Variants in ITGA9 observed in about 807,000 individuals in gnomAD.
The protein encoded by ITGA9 is integrin subunit alpha 9.
In ITGA9, 56 loss-of-function variants were observed where a neutral mutation model predicts 127.8. The observed-to-expected ratio is 0.44, with a 90% CI of 0.35 to 0.55. ITGA9 has a LOEUF of 0.55. ITGA9 is among the 20% of genes least tolerant of loss of function. The pLI, the probability that ITGA9 is intolerant of heterozygous loss-of-function variation, is 0.00. For synonymous variants in ITGA9, 508 were observed against 514.5 expected (o/e 0.99, Z 0.17); for missense variants, 1,196 against 1,347.1 (o/e 0.89, Z 1.76).
chr3:37,772,902 G>GCCAT, intron 23 of ITGA9, among the ~76,000 whole-genome samples: 1 of 152,198 alleles, frequency 6.6e-6, no homozygotes, highest in African/African-American at 2.4e-5. Flanking sequence ...ATCACATCAC[G>GCCAT]CCATCGCCAT....
intron 15 of ITGA9, among the ~76,000 whole-genome samples, chr3:37,546,755 G>T (rs1453781229): frequency 6.6e-6 from 1 of 152,136 alleles, no homozygotes; most frequent in African/African-American, 2.4e-5. Flanking sequence ...GCCTCTGTCT[G>T]GACTGACTGC....
chr3:37,459,655 G>A (rs1698295963), intron 1 of ITGA9, among the ~76,000 whole-genome samples: 1 of 152,202 alleles, frequency 6.6e-6, no homozygotes, highest in Non-Finnish European at 1.5e-5. Context: ...GGAAGCTGAG[G>A]TACAGAGGCA....
intron 13 of ITGA9, among the ~76,000 whole-genome samples, chr3:37,526,516 C>T (rs1699094834): frequency 1.3e-5 from 2 of 152,232 alleles, no homozygotes; most frequent in African/African-American, 4.8e-5. Flanking sequence ...GTCCACAACA[C>T]CCTGGGGACC....
Position 37,518,324 on chromosome 3 carries a change from C to G in ITGA9, c.1141+715C>G, listed in dbSNP as rs577192099. 1.6e-4 allele frequency among the ~76,000 whole-genome samples: 24 copies of G among 152,310 alleles called. No homozygotes were observed. In the South Asian group the frequency reaches 5.0e-3, roughly 32 times the overall value. On this transcript the variant is annotated intron_variant, in intron 10 of 27. Transcript: ENST00000264741. ...GTGGGGCAACCCTTGCCCAGGCCAGCCATCCAGACGTCTTTGATACCTCCT... is the reference window on the plus strand; with the variant it reads ...GTGGGGCAACCCTTGCCCAGGCCAGGCATCCAGACGTCTTTGATACCTCCT...
At chr3:37,484,810 CT>C (rs1698592685) in intron 4 of ITGA9, among the ~76,000 whole-genome samples, 3 of 152,176 alleles carry the variant, frequency 2.0e-5, no homozygotes, top group African/African-American at 7.2e-5. Flanking sequence ...CCTAACCAAC[CT>C]CAAGGGTCTA....
At chr3:37,457,857 G>A (rs1376066948) in intron 1 of ITGA9, among the ~76,000 whole-genome samples, 1 of 152,202 alleles carries the variant, frequency 6.6e-6, no homozygotes, top group Non-Finnish European at 1.5e-5. Flanking sequence ...ACCTTCCAGG[G>A]CAAGAAGACA....
intron 27 of ITGA9, chr3:37,807,291 G>T (rs1050506263): frequency 1.3e-5 from 2 of 152,194 alleles, no homozygotes; most frequent in African/African-American, 4.8e-5. Context: ...TTAGCACTGC[G>T]CTTAGCACAC....
At chr3:37,561,265 C>T (rs186207829) in intron 15 of ITGA9, among the ~76,000 whole-genome samples, 14 of 152,250 alleles carry the variant, frequency 9.2e-5, no homozygotes, top group African/African-American at 1.4e-4. Flanking sequence ...GCCTTCTTTC[C>T]TGTACTAGGG....
intron 15 of ITGA9, among the ~76,000 whole-genome samples, chr3:37,617,901 G>T (rs551592219): frequency 1.6e-4 from 25 of 152,196 alleles, no homozygotes; most frequent in African/African-American, 3.1e-4. Context: ...TTTGCCATGG[G>T]TTCAAACTTC....
intron 4 of ITGA9, among the ~76,000 whole-genome samples, chr3:37,494,272 T>C (rs2125565274): frequency 6.6e-6 from 1 of 152,302 alleles, no homozygotes; most frequent in African/African-American, 2.4e-5. Context: ...GGGGAGGAAG[T>C]CTGCTGGGGC....
At chr3:37,805,718 A>G (rs911778462) in intron 27 of ITGA9, 2 of 152,140 alleles carry the variant, frequency 1.3e-5, no homozygotes, top group Non-Finnish European at 2.9e-5. Context: ...GCTGGAGTAC[A>G]GTGGAGTGAT....
Position 37,758,932 on chromosome 3 carries a change from A to G in ITGA9, c.2541+8363A>G, listed in dbSNP as rs185510853. On this transcript the variant is annotated intron_variant, in intron 23 of 27. Transcript: ENST00000264741. ...ACACAGACCCACCAACTGAGGGTGA[A>G]AACCTTCCTAGATCAAGATGTTTAC... 2.8e-3 allele frequency among the ~76,000 whole-genome samples: 427 copies of G among 152,208 alleles called. 2 individuals carry two copies. The highest frequency in any genetic ancestry group is 4.6e-3 in the Non-Finnish European group (313 of 68,018).
chr3:37,490,811 G>A (rs1346819647), intron 4 of ITGA9, among the ~76,000 whole-genome samples: 2 of 152,108 alleles, frequency 1.3e-5, no homozygotes, highest in African/African-American at 4.8e-5. Flanking sequence ...TTAGAATGGA[G>A]GAGCCATACG....
At chr3:37,550,024 A>G (rs185535936) in intron 15 of ITGA9, among the ~76,000 whole-genome samples, 35 of 152,392 alleles carry the variant, frequency 2.3e-4, no homozygotes, top group Middle Eastern at 6.8e-3. Flanking sequence ...TGTGCTGGTT[A>G]CTGTGAGTCA....
chr3:37,680,887 G>C (rs1700728208), intron 17 of ITGA9, among the ~76,000 whole-genome samples: 1 of 152,124 alleles, frequency 6.6e-6, no homozygotes, highest in African/African-American at 2.4e-5. Context: ...TTGAGATCAG[G>C]GTCTTAATTT....
intron 23 of ITGA9, among the ~76,000 whole-genome samples, chr3:37,768,915 C>CGCATTCAA (rs1300047521): frequency 6.6e-6 from 1 of 152,036 alleles, no homozygotes; most frequent in Non-Finnish European, 1.5e-5. Context: ...TGGTGATGCA[C>CGCATTCAA]GCATTCAAGG....
chr3:37,563,063 A>G (rs943579680), intron 15 of ITGA9, among the ~76,000 whole-genome samples: 1 of 152,110 alleles, frequency 6.6e-6, no homozygotes, highest in African/African-American at 2.4e-5. Flanking sequence ...ATAAATGTTC[A>G]CTGAATGTTA....
At chr3:37,662,757 G>T (rs112591143) in intron 17 of ITGA9, among the ~76,000 whole-genome samples, 1 of 152,166 alleles carries the variant, frequency 6.6e-6, no homozygotes, top group Non-Finnish European at 1.5e-5. Context: ...CCTGTTAGCC[G>T]TGACCTTACT....
At chr3:37,636,096 G>T (rs1700275924) in intron 16 of ITGA9, among the ~76,000 whole-genome samples, 2 of 151,908 alleles carry the variant, frequency 1.3e-5, no homozygotes, top group Non-Finnish European at 2.9e-5. Context: ...AAACATACAT[G>T]TGCGTGTGTC....
Sources: allele counts gnomAD v4.1 joint callset (sites outside exome capture counted in the v4.1 genomes callset), GRCh38; gene constraint gnomAD v4.1.1; transcripts MANE v1.5; gene names NCBI Gene and HGNC (gene_info 2026-07-23, HGNC 2026-07-21).